Variants in GLCE observed in about 807,000 individuals in gnomAD.
GLCE encodes D-glucuronyl C5-epimerase.
GLCE carries 19 observed loss-of-function variants against 47.9 expected under a neutral mutation model. The ratio of observed to expected loss-of-function variants is 0.40; its 90% CI spans 0.28 to 0.58. The LOEUF (loss-of-function observed/expected upper bound fraction) is 0.58. Ranked by LOEUF, GLCE falls within the 20% of genes least tolerant of loss-of-function variation. The pLI, the probability that GLCE is intolerant of heterozygous loss-of-function variation, is 0.48. For synonymous variants in GLCE, 245 were observed against 263.4 expected, an observed-to-expected ratio of 0.93 and a Z score of 0.68; for missense variants, 556 against 743.3, an observed-to-expected ratio of 0.75 and a Z score of 2.93.
intron 2 of GLCE, among the ~76,000 whole-genome samples, chr15:69,252,401 C>T (rs1463703701): frequency 6.6e-6 from 1 of 152,190 alleles, no homozygotes; most frequent in Admixed American, 6.5e-5. Context: ...GTCACATGGC[C>T]AGGGCAGGAG....
intron 1 of GLCE, among the ~76,000 whole-genome samples, chr15:69,191,122 A>G (rs2051905762): frequency 6.6e-6 from 1 of 152,164 alleles, no homozygotes; most frequent in African/African-American, 2.4e-5. Context: ...TATCTTTTAT[A>G]GTTACCCACA....
At position 69,269,182 on chromosome 15, in the gene GLCE, T is replaced by C. The variant is rs1187341809; in HGVS notation, c.1792T>C (p.Phe598Leu). ...CAGTACCATTGATGAGTCCCCAGTC[T>C]TCAAAGAATTTGTCAAGAGGTGGAA... is the stretch of plus-strand genomic sequence containing the variant. ...LLSTIDESPV[F>L]KEFVKRWKSY... Residue 598 changes from phenylalanine to leucine, a missense_variant, in exon 5 of 5, where the codon TTC (phenylalanine) becomes CTC (leucine). Coordinates refer to ENST00000261858, the MANE Select transcript of GLCE (RefSeq NM_015554.3). 1 of 1,613,836 alleles carries C rather than the reference T, an allele frequency of 6.2e-7. No individual in the cohort carries two copies. Among genetic ancestry groups the C allele is most frequent in the African/African-American group, 1.3e-5 (1 of 74,890 alleles).
intron 1 of GLCE, among the ~76,000 whole-genome samples, chr15:69,172,552 G>C (rs1438867483): frequency 6.6e-6 from 1 of 152,090 alleles, no homozygotes; most frequent in Non-Finnish European, 1.5e-5. Context: ...TTGTTTTACA[G>C]ATGAGGAAAG....
At chr15:69,245,607 G>A (rs2052735939) in intron 2 of GLCE, among the ~76,000 whole-genome samples, 6 of 152,124 alleles carry the variant, frequency 3.9e-5, no homozygotes, top group Non-Finnish European at 8.8e-5. Flanking sequence ...CATGCCATTT[G>A]ATAGCATTTT....
chr15:69,267,800 C>A (rs1349631654), intron 4 of GLCE, among the ~76,000 whole-genome samples: 2 of 149,810 alleles, frequency 1.3e-5, no homozygotes, highest in Non-Finnish European at 3.0e-5. Flanking sequence ...ACCATTTTTT[C>A]TAGCCTCTTT....
chr15:69,186,748 C>T (rs1245201403), intron 1 of GLCE, among the ~76,000 whole-genome samples: 1 of 152,024 alleles, frequency 6.6e-6, no homozygotes, highest in Non-Finnish European at 1.5e-5. Context: ...AATTTTTGCC[C>T]CTTTTCTGGC....
At chr15:69,221,122 A>G (rs1228686620) in intron 2 of GLCE, among the ~76,000 whole-genome samples, 1 of 152,184 alleles carries the variant, frequency 6.6e-6, no homozygotes, top group Non-Finnish European at 1.5e-5. Context: ...ATTGATCTAT[A>G]TGTCTATGCC....
rs374101492 is a variant in GLCE, at chr15:69,261,076, C to G, written c.587-11C>G. ...GGATATGATTATTCATTTTGTTTCT[C>G]TATTTTATAGGTGTGCCATTATCTA... On this transcript the variant is annotated splice_polypyrimidine_tract_variant and intron_variant, in intron 3 of 4. Coordinates refer to ENST00000261858, the MANE Select transcript of GLCE (RefSeq NM_015554.3). 2 of 1,606,808 alleles carry G rather than the reference C, an allele frequency of 1.2e-6. No individual in the cohort carries two copies. The highest frequency in any genetic ancestry group is 1.7e-5 in the Admixed American group (1 of 59,612).
intron 1 of GLCE, among the ~76,000 whole-genome samples, chr15:69,183,451 C>A (rs150054913): frequency 6.6e-6 from 1 of 152,162 alleles, no homozygotes; most frequent in Non-Finnish European, 1.5e-5. Context: ...TAGAGAGGCA[C>A]TGAAATGAAA....
Position 69,269,851 on chromosome 15 carries a change from AAC to A in GLCE, c.*611_*612del, listed in dbSNP as rs2053142035. The A allele has an allele frequency of 6.5e-6, 1 of 152,682 alleles. No individual in the cohort carries two copies. The highest frequency in any genetic ancestry group is 1.5e-5 in the Non-Finnish European group (1 of 68,050). The allele number at this position is 152,682 out of a possible 1,614,324, so 9.5% of individuals were successfully genotyped here. A position where few individuals can be genotyped will look rare whatever the true frequency, so the allele number is the denominator to read the frequency against. On this transcript the variant is annotated 3_prime_UTR_variant, in exon 5 of 5. Coordinates refer to ENST00000261858, the MANE Select transcript of GLCE (RefSeq NM_015554.3). ...GTTTTCTTGAAACGTGTAAATTAAAAACACAATCAGTGTTCAGGCTTCAGTTA... is the reference window on the plus strand; with the variant it reads ...GTTTTCTTGAAACGTGTAAATTAAAAACAATCAGTGTTCAGGCTTCAGTTA...
intron 1 of GLCE, among the ~76,000 whole-genome samples, chr15:69,176,415 G>A (rs1377349243): frequency 6.6e-6 from 1 of 151,274 alleles, no homozygotes; most frequent in East Asian, 1.9e-4. Flanking sequence ...GTAGAGACAG[G>A]GTTTCACCAT....
At chr15:69,172,890 T>C (rs2051608940) in intron 1 of GLCE, among the ~76,000 whole-genome samples, 1 of 152,248 alleles carries the variant, frequency 6.6e-6, no homozygotes, top group Admixed American at 6.5e-5. Flanking sequence ...AAATATTTGT[T>C]ACGAAATATG....
intron 1 of GLCE, among the ~76,000 whole-genome samples, chr15:69,175,515 A>G (rs564928771): frequency 1.3e-5 from 2 of 152,330 alleles, no homozygotes; most frequent in South Asian, 4.1e-4. Flanking sequence ...ATAAAATAGA[A>G]TATATTTTAA....
At position 69,181,778 on chromosome 15, in the gene GLCE, AAG is replaced by A. The variant is rs144342041; in HGVS notation, c.-105+21027_-105+21028del. Among the ~76,000 whole-genome samples the A allele has an allele frequency of 9.1e-3, 1,391 of 152,190 alleles. 15 individuals carry two copies. Among genetic ancestry groups the A allele is most frequent in the African/African-American group, 0.031 (1,304 of 41,512 alleles). ...AGGGAGAGAAATAGAATAGTAACTT[AAG>A]AGAGATGTTCAAAGAGTTTTTTTGT... On this transcript the variant is annotated intron_variant, in intron 1 of 4. Coordinates refer to ENST00000261858, the MANE Select transcript of GLCE (RefSeq NM_015554.3).
At chr15:69,217,222 AT>A (rs2052319819) in intron 2 of GLCE, among the ~76,000 whole-genome samples, 1 of 151,784 alleles carries the variant, frequency 6.6e-6, no homozygotes, top group Admixed American at 6.6e-5. Context: ...ACTTACATTA[AT>A]GACTGCTGTA....
chr15:69,166,804 C>T (rs931393956), intron 1 of GLCE, among the ~76,000 whole-genome samples: 1 of 149,884 alleles, frequency 6.7e-6, no homozygotes, highest in African/African-American at 2.5e-5. Flanking sequence ...CCTGTAATCC[C>T]AGCTATTCGG....
intron 4 of GLCE, among the ~76,000 whole-genome samples, chr15:69,263,322 A>G (rs1328232231): frequency 1.3e-5 from 2 of 152,188 alleles, no homozygotes; most frequent in African/African-American, 4.8e-5. Context: ...CTCATGGGAG[A>G]TAAATTCAGA....
intron 2 of GLCE, among the ~76,000 whole-genome samples, chr15:69,234,979 A>G (rs1361441082): frequency 4.6e-5 from 7 of 151,002 alleles, no homozygotes; most frequent in Non-Finnish European, 7.4e-5. Context: ...TCAGGGGAAT[A>G]TGTACTCTGG....
intron 1 of GLCE, among the ~76,000 whole-genome samples, chr15:69,198,609 ACAAG>A (rs2140360492): frequency 6.6e-6 from 1 of 152,306 alleles, no homozygotes; most frequent in Non-Finnish European, 1.5e-5. Flanking sequence ...CTTAGAGCAA[ACAAG>A]CAAGAGGGCA....
Sources: allele counts gnomAD v4.1 joint callset (sites outside exome capture counted in the v4.1 genomes callset), GRCh38; gene constraint gnomAD v4.1.1; transcripts MANE v1.5; gene names NCBI Gene and HGNC (gene_info 2026-07-23, HGNC 2026-07-21).